The following PPP1R10 variants were observed in gnomAD, a reference collection of about 807,000 sequenced individuals.
PPP1R10 encodes serine/threonine-protein phosphatase 1 regulatory subunit 10.
In PPP1R10, 15 loss-of-function variants were observed where a neutral mutation model predicts 99.0. That is an observed-to-expected ratio of 0.15 (90% CI 0.10 to 0.23). The LOEUF is 0.23. Among genes scored for constraint, PPP1R10 ranks in the 10% least tolerant of loss-of-function variants. PPP1R10 has a pLI of 1.00. For missense variants in PPP1R10, 947 were observed against 1,259.4 expected (o/e 0.75, Z 3.75); for synonymous variants, 430 against 449.5 (o/e 0.96, Z 0.55).
chr6:30,603,112 C>T, intron 17 of PPP1R10, 98 bp downstream of exon 17: 1 of 1,474,004 alleles, frequency 6.8e-7, no homozygotes, highest in Non-Finnish European at 9.5e-7. Flanking sequence ...GCCTAGTGGC[C>T]ACAGCCCTGT....
Position 30,602,264 on chromosome 6 carries a change from T to C in PPP1R10, c.2385A>G (p.Gly795=), listed in dbSNP as rs756719904. Residue 795 remains glycine (G), a synonymous_variant, in exon 19 of 20, where the codon GGA becomes GGG. Transcript: ENST00000376511. The surrounding 1 kb of genome is among the most constrained non-coding windows in gnomAD (Gnocchi z 6.7). ...EGPGGSMGGG[G]GHRPHEGPGG... ...CAGGGCCTTCGTGGGGACGATGTCC[T>C]CCACCCCCACCCATGCTACCACCAG... The C allele has an allele frequency of 2.5e-6, 4 of 1,608,192 alleles. No homozygotes were observed. Among genetic ancestry groups the C allele is most frequent in the South Asian group, 1.1e-5 (1 of 90,908 alleles).
intron 2 of PPP1R10, among the ~76,000 whole-genome samples, chr6:30,612,770 G>A (rs543181427): frequency 2.6e-5 from 4 of 152,240 alleles, no homozygotes; most frequent in East Asian, 1.9e-4. Flanking sequence ...TTTCCAAGGC[G>A]CTCAAGTGGA....
In PPP1R10 at chr6:30,602,237, G is replaced by A. The variant is rs761924508; in HGVS notation, c.2412C>T (p.Gly804=). The A allele has an allele frequency of 1.5e-5, 24 of 1,610,678 alleles. No homozygotes were observed. The Admixed American group carries it at 1.7e-4, about 11-fold the overall frequency. ...GGGHRPHEGP[G]GGISGGSGHR... is the part of the protein sequence containing the mutation. ...GGCCACTGCCACCACTGATGCCACC[G>A]CCAGGGCCTTCGTGGGGACGATGTC... The change falls in exon 19 of 20, where the codon GGC becomes GGT. Residue 804 remains glycine, a synonymous_variant. Coordinates refer to ENST00000376511, the MANE Select transcript of PPP1R10 (RefSeq NM_002714.4). The surrounding 1 kb of genome is among the most constrained non-coding windows in gnomAD (Gnocchi z 6.7).
Position 30,606,010 on chromosome 6 carries a change from T to A in PPP1R10, c.766A>T (p.Thr256Ser). 6.2e-7 allele frequency: 1 copy of A among 1,613,634 alleles called. No homozygotes were observed. The highest frequency in any genetic ancestry group is 8.5e-7 in the Non-Finnish European group (1 of 1,179,910). ...QSNVAAPGDA[T>S]PPAEKKYKPL... ...TTGTATTTCTTCTCTGCAGGGGGAG[T>A]GGCATCTCCTGGAGCAGCTACGTTG... The change falls in exon 10 of 20, where the codon ACT becomes TCT. Residue 256 changes from threonine to serine, a missense_variant. This residue lies in a region of PPP1R10 where 39 missense variants were observed against 34.4 expected (regional missense o/e 1.14). Coordinates refer to ENST00000376511, the MANE Select transcript of PPP1R10 (RefSeq NM_002714.4). This position sits in a 1 kb window ranked among gnomAD's most constrained non-coding sequence, Gnocchi z 6.3.
Position 30,604,490 on chromosome 6 carries a change from A to G in PPP1R10, c.1124T>C (p.Leu375Pro). The change falls in exon 13 of 20, where the codon CTG (leucine) becomes CCG (proline). Residue 375 changes from leucine to proline, a missense_variant. By Grantham distance (98) the Leu-to-Pro change is moderately conservative (BLOSUM62 -3). Coordinates refer to ENST00000376511, the MANE Select transcript of PPP1R10 (RefSeq NM_002714.4). The surrounding 1 kb of genome is among the most constrained non-coding windows in gnomAD (Gnocchi z 7.3). Reference sequence around the variant, plus strand: ...AGGACTCTCCACTGGCTTGGCATCCAGAGCTCCTGGCTCCAAAGAGGCTGG... The same window carrying G: ...AGGACTCTCCACTGGCTTGGCATCCGGAGCTCCTGGCTCCAAAGAGGCTGG... ...MDTASLEPGA[L>P]DAKPVESPGD... 2.5e-6 allele frequency: 4 copies of G among 1,613,058 alleles called. No homozygotes were observed. Among genetic ancestry groups the G allele is most frequent in the African/African-American group, 1.3e-5 (1 of 75,042 alleles).
Position 30,602,576 on chromosome 6 carries a change from TGGGCCACCCCGCATAGGGTCGCCC to T in PPP1R10, c.2049_2072del (p.Gly684_Pro691del). 6.4e-7 allele frequency: 1 copy of T among 1,565,950 alleles called. No homozygotes were observed. Among genetic ancestry groups the T allele is most frequent in the Non-Finnish European group, 8.6e-7 (1 of 1,158,758 alleles). ...GACCTGGTCCTGGACCCCCCCGCAT[TGGGCCACCCCGCATAGGGTCGCCC>T]GGGCCATCCCAGAAGGGATCACCTC... is the stretch of plus-strand genomic sequence containing the variant. On this transcript the variant is annotated inframe_deletion, in exon 19 of 20. Transcript: ENST00000376511. This position sits in a 1 kb window ranked among gnomAD's most constrained non-coding sequence, Gnocchi z 6.7.
At chr6:30,615,229 TAAAAAAAAAAAA>T (rs5875265) in intron 2 of PPP1R10, among the ~76,000 whole-genome samples, 9 of 109,760 alleles carry the variant, frequency 8.2e-5, no homozygotes, top group African/African-American at 2.9e-4. Context: ...ACCTTTTTAG[TAAAAAAAAAAAA>T]AAAAAAAATC....
chr6:30,612,111 CCTCT>C (rs577477427), intron 2 of PPP1R10, among the ~76,000 whole-genome samples: 33 of 151,960 alleles, frequency 2.2e-4, no homozygotes, highest in Admixed American at 1.2e-3. Context: ...TTTAAAACTC[CCTCT>C]CTCTATATAT....
chr6:30,607,976 C>T, intron 5 of PPP1R10, 85 bp from the exon 6 acceptor site: 1 of 1,313,758 alleles, frequency 7.6e-7, no homozygotes, highest in Non-Finnish European at 1.1e-6. Context: ...AGTTACAGTC[C>T]TCCCTGCTTT....
intron 1 of PPP1R10, 73 bp from the exon 2 acceptor site, chr6:30,617,071 C>A (rs1277401120): frequency 1.3e-5 from 2 of 152,462 alleles, no homozygotes; most frequent in Non-Finnish European, 2.9e-5. Flanking sequence ...CAAATGCCAT[C>A]TTTGTTGTCC....
At chr6:30,614,231 C>T (rs1432953664) in intron 2 of PPP1R10, among the ~76,000 whole-genome samples, 1 of 150,716 alleles carries the variant, frequency 6.6e-6, no homozygotes, top group Non-Finnish European at 1.5e-5. Flanking sequence ...ATCATTTTTT[C>T]ATTAATGCTT....
rs772597317 is a variant in PPP1R10, at chr6:30,606,728, A to G, written c.460+51T>C. ...CAGACTGGGAGCACCTAAAGGCCACATCCCAATAGGAAAGAAATAAATACA... is the reference window on the plus strand; with the variant it reads ...CAGACTGGGAGCACCTAAAGGCCACGTCCCAATAGGAAAGAAATAAATACA... On this transcript the variant is annotated intron_variant, in intron 7 of 19. Transcript: ENST00000376511. This position sits in a 1 kb window ranked among gnomAD's most constrained non-coding sequence, Gnocchi z 6.3. 6.2e-7 allele frequency: 1 copy of G among 1,609,274 alleles called. No homozygotes were observed. Among genetic ancestry groups the G allele is most frequent in the South Asian group, 1.1e-5 (1 of 90,974 alleles).
rs1803356047 is a variant in PPP1R10, at chr6:30,601,917, G to A, written c.2713+19C>T. ...ATGGGACAACCAAAAGGCATATGGG[G>A]GACAGGGAGCATCCTCACCTCCTCC... is the stretch of plus-strand genomic sequence containing the variant. On this transcript the variant is annotated intron_variant, in intron 19 of 19. Transcript: ENST00000376511. 6 of 1,493,344 alleles carry A rather than the reference G, an allele frequency of 4.0e-6. No individual in the cohort carries two copies. Among genetic ancestry groups the A allele is most frequent in the African/African-American group, 1.4e-5 (1 of 71,200 alleles). The allele number at this position is 1,493,344 out of a possible 1,614,324, so 92.5% of individuals were successfully genotyped here.
chr6:30,614,303 A>G (rs1047877014), intron 2 of PPP1R10, among the ~76,000 whole-genome samples: 1 of 152,070 alleles, frequency 6.6e-6, no homozygotes, highest in Non-Finnish European at 1.5e-5. Flanking sequence ...CTTTGGGGAA[A>G]AAAAAAAAAT....
At position 30,600,913 on chromosome 6, in the gene PPP1R10, A is replaced by G. The variant is rs1323789275; in HGVS notation, c.*636T>C. 6.6e-6 allele frequency: 1 copy of G among 152,664 alleles called. No individual in the cohort carries two copies. Among genetic ancestry groups the G allele is most frequent in the Non-Finnish European group, 1.5e-5 (1 of 68,126 alleles). The allele number at this position is 152,664 out of a possible 1,614,324, so 9.5% of individuals were successfully genotyped here. ...ATACGAGTTCGCCATCATCGAACCT[A>G]GCAGACCCAGGACGCAGACTGGGTG... On this transcript the variant is annotated 3_prime_UTR_variant, in exon 20 of 20. Coordinates refer to ENST00000376511, the MANE Select transcript of PPP1R10 (RefSeq NM_002714.4).
At position 30,609,925 on chromosome 6, in the gene PPP1R10, T is replaced by C. The variant is rs1804379589; in HGVS notation, c.20A>G (p.Asp7Gly). 6 of 1,614,090 alleles carry C rather than the reference T, an allele frequency of 3.7e-6. No individual in the cohort carries two copies. In the African/African-American group the frequency reaches 8.0e-5, roughly 22 times the overall value. Reference sequence around the variant, plus strand: ...CAGGCCCTTGAGAAGTTCTTTGGGGTCTATGGGACCCGAACCCATGATGGT... The same window carrying C: ...CAGGCCCTTGAGAAGTTCTTTGGGGCCTATGGGACCCGAACCCATGATGGT... MGSGPIDPKELLKGLDS... is the reference protein window; with the variant it reads MGSGPIGPKELLKGLDS... Residue 7 changes from aspartate (D) to glycine (G), a missense_variant, in exon 3 of 20, where the codon GAC (aspartate) becomes GGC (glycine). By Grantham distance (94) the Asp-to-Gly change is moderately conservative. This residue lies in a region of PPP1R10 where 82 missense variants were observed against 117.3 expected (regional missense o/e 0.70). Coordinates refer to ENST00000376511, the MANE Select transcript of PPP1R10 (RefSeq NM_002714.4). The surrounding 1 kb of genome is among the most constrained non-coding windows in gnomAD (Gnocchi z 4.5).
Position 30,606,149 on chromosome 6 carries a change from G to A in PPP1R10, c.729C>T (p.Leu243=). ...SDKYNLKPIP[L]KRQSNVAAPG... ...AATATGGTCCATACCTCTGACGTTT[G>A]AGGGGGATGGGTTTAAGGTTGTACT... is the stretch of plus-strand genomic sequence containing the variant. Residue 243 remains leucine, a synonymous_variant, in exon 9 of 20, where the codon CTC becomes CTT. Transcript: ENST00000376511. This position sits in a 1 kb window ranked among gnomAD's most constrained non-coding sequence, Gnocchi z 6.3. 1 of 1,614,096 alleles carries A rather than the reference G, an allele frequency of 6.2e-7. No homozygotes were observed. Among genetic ancestry groups the A allele is most frequent in the Non-Finnish European group, 8.5e-7 (1 of 1,180,012 alleles).
At position 30,602,005 on chromosome 6, in the gene PPP1R10, C is replaced by A. The variant is rs776955554; in HGVS notation, c.2644G>T (p.Gly882Cys). ...CCCCCGTGGCCAGGACCATCATGGC[C>A]ACGGTGCTCATGAGGTGGCGGCCCT... is the stretch of plus-strand genomic sequence containing the variant. ...HRGPPPHEHR[G>C]HDGPGHGGGG... The change falls in exon 19 of 20, where the codon GGC becomes TGC. Residue 882 changes from glycine (G) to cysteine (C), a missense_variant. By Grantham distance (159) the Gly-to-Cys change is radical (BLOSUM62 -3). Coordinates refer to ENST00000376511, the MANE Select transcript of PPP1R10 (RefSeq NM_002714.4). This position sits in a 1 kb window ranked among gnomAD's most constrained non-coding sequence, Gnocchi z 6.7. 7.9e-6 allele frequency: 12 copies of A among 1,524,202 alleles called. No homozygotes were observed. Among genetic ancestry groups the A allele is most frequent in the Non-Finnish European group, 7.9e-6 (9 of 1,135,434 alleles). 94.4% of individuals were successfully genotyped at this position (1,524,202 alleles called of 1,614,324 possible).
At chr6:30,612,674 T>C (rs1309277072) in intron 2 of PPP1R10, among the ~76,000 whole-genome samples, 2 of 151,936 alleles carry the variant, frequency 1.3e-5, no homozygotes, top group East Asian at 3.8e-4. Flanking sequence ...GAAGATTAGT[T>C]CTTATTTAAA....
Sources: gnomAD v4.1 joint callset for allele counts (sites outside exome capture counted in the v4.1 genomes callset) on GRCh38, gnomAD v4.1.1 for gene constraint, gnomAD v4.1.1 regional missense constraint, Gnocchi (gnomAD v3.1) non-coding constraint, MANE v1.5 for transcripts, NCBI Gene and HGNC (gene_info 2026-07-23, HGNC 2026-07-21) for gene names.